KCNIP4: variants seen among roughly 807,000 people sequenced by gnomAD.
KCNIP4 encodes the protein Kv channel-interacting protein 4.
KCNIP4 carries 12 observed loss-of-function variants against 34.0 expected under a neutral mutation model. The ratio of observed to expected loss-of-function variants is 0.35; its 90% CI spans 0.23 to 0.57. The LOEUF (loss-of-function observed/expected upper bound fraction) is 0.57, where lower values mean the gene tolerates loss of function less well. Among genes scored for constraint, KCNIP4 ranks in the 20% least tolerant of loss-of-function variants. KCNIP4 has a pLI of 0.83. For synonymous variants in KCNIP4, 124 were observed against 102.2 expected (o/e 1.21, Z -1.29); for missense variants, 238 against 311.7 (o/e 0.76, Z 1.78).
chr4:21,936,412 T>C (rs1478780443), intron 1 of KCNIP4, among the ~76,000 whole-genome samples: 1 of 152,148 alleles, frequency 6.6e-6, no homozygotes, highest in African/African-American at 2.4e-5. Flanking sequence ...TGCCCAGCCA[T>C]GTAGAACGTG....
chr4:21,057,889 A>T (rs1047097423), intron 1 of KCNIP4, among the ~76,000 whole-genome samples: 1 of 152,200 alleles, frequency 6.6e-6, no homozygotes, highest in African/African-American at 2.4e-5. Flanking sequence ...TCTTTATCTC[A>T]TTCAACAGCA....
intron 1 of KCNIP4, among the ~76,000 whole-genome samples, chr4:20,953,980 CA>C (rs1181722858): frequency 6.6e-6 from 1 of 152,140 alleles, no homozygotes; most frequent in Non-Finnish European, 1.5e-5. Flanking sequence ...TCTCAAGAAA[CA>C]GGTATCCTTT....
intron 1 of KCNIP4, among the ~76,000 whole-genome samples, chr4:20,979,219 T>C (rs1464792415): frequency 2.0e-5 from 3 of 151,934 alleles, no homozygotes; most frequent in Non-Finnish European, 1.5e-5. Flanking sequence ...TATAAGTATA[T>C]TGTTTCCAAA....
At chr4:20,862,358 G>A (rs962897449) in intron 2 of KCNIP4, among the ~76,000 whole-genome samples, 1 of 152,032 alleles carries the variant, frequency 6.6e-6, no homozygotes, top group Non-Finnish European at 1.5e-5. Flanking sequence ...AAATTATACT[G>A]CCAGTCATTA....
intron 1 of KCNIP4, among the ~76,000 whole-genome samples, chr4:21,328,167 T>C (rs1715278932): frequency 6.6e-6 from 1 of 152,116 alleles, no homozygotes; most frequent in Non-Finnish European, 1.5e-5. Flanking sequence ...TTGTAGTCTT[T>C]GTGGTTGGCT....
intron 1 of KCNIP4, among the ~76,000 whole-genome samples, chr4:21,453,913 G>A (rs1032904067): frequency 6.6e-6 from 1 of 152,074 alleles, no homozygotes; most frequent in Non-Finnish European, 1.5e-5. Flanking sequence ...ACCAGCTGGT[G>A]AACGTGTGAA....
At chr4:20,767,970 C>T (rs796107588) in intron 3 of KCNIP4, among the ~76,000 whole-genome samples, 5 of 152,330 alleles carry the variant, frequency 3.3e-5, no homozygotes, top group African/African-American at 1.2e-4. Context: ...AGGTAGTCTG[C>T]TCGGTCTATC....
chr4:21,493,831 G>A (rs1018520067), intron 1 of KCNIP4, among the ~76,000 whole-genome samples: 1 of 152,190 alleles, frequency 6.6e-6, no homozygotes, highest in Non-Finnish European at 1.5e-5. Context: ...TTAATAGGGT[G>A]AATGGGAGTT....
chr4:21,331,384 A>G (rs1290582955), intron 1 of KCNIP4, among the ~76,000 whole-genome samples: 1 of 151,952 alleles, frequency 6.6e-6, no homozygotes, highest in Non-Finnish European at 1.5e-5. Flanking sequence ...AAACACATAT[A>G]CTTTTACTAC....
chr4:21,481,100 T>A (rs1285120025), intron 1 of KCNIP4, among the ~76,000 whole-genome samples: 1 of 152,294 alleles, frequency 6.6e-6, no homozygotes, highest in East Asian at 1.9e-4. Context: ...ACACAACGGT[T>A]ATCTGGAAAG....
intron 1 of KCNIP4, among the ~76,000 whole-genome samples, chr4:21,432,910 A>G (rs996927274): frequency 6.6e-6 from 1 of 152,132 alleles, no homozygotes; most frequent in African/African-American, 2.4e-5. Context: ...TATTACCAGA[A>G]TAGATGATTA....
chr4:21,835,738 T>C (rs1157507488), intron 1 of KCNIP4, among the ~76,000 whole-genome samples: 2 of 152,120 alleles, frequency 1.3e-5, no homozygotes, highest in South Asian at 4.1e-4. Context: ...TCAGGGGCCA[T>C]GCATGAGAAT....
At chr4:21,306,509 T>C (rs1712482666) in intron 1 of KCNIP4, among the ~76,000 whole-genome samples, 1 of 152,174 alleles carries the variant, frequency 6.6e-6, no homozygotes, top group African/African-American at 2.4e-5. Flanking sequence ...CCCAAAGTGC[T>C]GGGATTACAT....
intron 1 of KCNIP4, among the ~76,000 whole-genome samples, chr4:21,874,937 G>T (rs958733995): frequency 6.6e-6 from 1 of 152,100 alleles, no homozygotes; most frequent in Admixed American, 6.6e-5. Context: ...AATTGATGTG[G>T]TTCTCGAACT....
intron 1 of KCNIP4, among the ~76,000 whole-genome samples, chr4:20,923,885 T>G (rs948133374): frequency 3.2e-4 from 48 of 152,094 alleles, no homozygotes; most frequent in Admixed American, 2.0e-4. Flanking sequence ...TTCAATGGAC[T>G]CCAGTTACAC....
At chr4:20,966,134 A>C (rs369034789) in intron 1 of KCNIP4, among the ~76,000 whole-genome samples, 15 of 152,160 alleles carry the variant, frequency 9.9e-5, no homozygotes, top group African/African-American at 3.6e-4. Flanking sequence ...GGGAAGATAG[A>C]TGTAGGATTT....
intron 1 of KCNIP4, among the ~76,000 whole-genome samples, chr4:21,769,101 A>G (rs1194022989): frequency 6.6e-6 from 1 of 152,028 alleles, no homozygotes; most frequent in Non-Finnish European, 1.5e-5. Flanking sequence ...TCACCTCCAG[A>G]AGTCTATACG....
At chr4:20,884,392 T>G (rs1259872617) in intron 1 of KCNIP4, among the ~76,000 whole-genome samples, 1 of 151,860 alleles carries the variant, frequency 6.6e-6, no homozygotes, top group African/African-American at 2.4e-5. Flanking sequence ...AATATTTCCC[T>G]CCCCTTGACC....
In KCNIP4 at chr4:21,217,831, G is replaced by T. The variant is rs1757697331; in HGVS notation, c.62-335122C>A. 2.6e-5 allele frequency among the ~76,000 whole-genome samples: 4 copies of T among 152,120 alleles called. No homozygotes were observed. In the South Asian group the frequency reaches 8.3e-4, roughly 32 times the overall value. ...GGTGTACATCTAATGATGTTCAGCA[G>T]GTTGTTAAAAATATGTGTGACTTAG... On this transcript the variant is annotated intron_variant, in intron 1 of 8. Coordinates refer to ENST00000382152, the MANE Select transcript of KCNIP4 (RefSeq NM_025221.6).
Sources: allele counts gnomAD v4.1 joint callset (sites outside exome capture counted in the v4.1 genomes callset), GRCh38; gene constraint gnomAD v4.1.1; transcripts MANE v1.5; gene names NCBI Gene and HGNC (gene_info 2026-07-23, HGNC 2026-07-21).